Variants in TRAF5 observed in about 807,000 individuals in gnomAD.
TRAF5 encodes the protein TNF receptor-associated factor 5.
TRAF5 carries 48 observed loss-of-function variants against 64.5 expected under a neutral mutation model. The ratio of observed to expected loss-of-function variants is 0.74; its 90% CI spans 0.59 to 0.95. The LOEUF is 0.95. TRAF5 is among the 40% of genes least tolerant of loss of function. TRAF5 has a pLI of 0.00. For missense variants in TRAF5, 545 were observed against 662.8 expected, an observed-to-expected ratio of 0.82 and a Z score of 1.95; for synonymous variants, 206 against 240.5, an observed-to-expected ratio of 0.86 and a Z score of 1.33.
chr1:211,371,423 C>G lies in TRAF5; in HGVS notation c.1052C>G (p.Thr351Arg). ...AGACCTTTGATGGAAGCAGTTGATA[C>G]AGTGAAACAGAAAATTACCCTGCTA... ...DLRPLMEAVD[T>R]VKQKITLLEN... The change falls in exon 10 of 11, where the codon ACA (threonine) becomes AGA (arginine). Residue 351 changes from threonine (T) to arginine (R), a missense_variant. By Grantham distance (71) the Thr-to-Arg change is moderately conservative. Coordinates refer to ENST00000261464, the MANE Select transcript of TRAF5 (RefSeq NM_001033910.3). 6.2e-7 allele frequency: 1 copy of G among 1,608,378 alleles called. No homozygotes were observed. Among genetic ancestry groups the G allele is most frequent in the Non-Finnish European group, 8.5e-7 (1 of 1,178,786 alleles).
chr1:211,371,600 G>A (rs988723068), intron 10 of TRAF5, 130 bp downstream of exon 10: 4 of 985,418 alleles, frequency 4.1e-6, no homozygotes, highest in Non-Finnish European at 5.9e-6. Flanking sequence ...TGCTATTTGT[G>A]AAAGAGAATG....
rs1217415539 is a variant in TRAF5 at position 211,371,302 on chromosome 1, GT to G, written c.936del (p.Phe312LeufsTer11). On this transcript the variant is annotated frameshift_variant and splice_region_variant, in exon 10 of 11. Transcript: ENST00000261464. LOFTEE classifies it high-confidence loss of function. ...KNGSFLPNIQ[V>X]FASHIDKSAW... ...ATGATTATCCATTTTGTAATGAAAG[GT>G]TTTTGCCAGTCACATTGACAAGTCA... 2 of 1,579,092 alleles carry G rather than the reference GT, an allele frequency of 1.3e-6. No homozygotes were observed. Among genetic ancestry groups the G allele is most frequent in the Admixed American group, 2.1e-5 (1 of 48,112 alleles).
chr1:211,336,144 T>C (rs145624492), intron 1 of TRAF5, among the ~76,000 whole-genome samples: 132 of 152,318 alleles, frequency 8.7e-4, no homozygotes, highest in African/African-American at 3.1e-3. Flanking sequence ...ATGAAGTCTC[T>C]GGAAAAGGAC....
At position 211,331,246 on chromosome 1, in the gene TRAF5, AGAGGGGCC is replaced by A. The variant is rs1337586150; in HGVS notation, c.-2+4358_-2+4365del. ...TCAATTTTCCTTTTCATGCTGCTGC[AGAGGGGCC>A]TCTTTAATACATAGCCTAGTCAAAA... On this transcript the variant is annotated intron_variant, in intron 1 of 10. Coordinates refer to ENST00000261464, the MANE Select transcript of TRAF5 (RefSeq NM_001033910.3). Among the ~76,000 whole-genome samples the A allele has an allele frequency of 5.9e-5, 9 of 152,162 alleles. No homozygotes were observed. In the East Asian group the frequency reaches 7.7e-4, roughly 13 times the overall value.
At chr1:211,334,827 C>T (rs999703789) in intron 1 of TRAF5, among the ~76,000 whole-genome samples, 5 of 152,176 alleles carry the variant, frequency 3.3e-5, no homozygotes, top group African/African-American at 1.2e-4. Context: ...CAGTATTAGG[C>T]TTGCTGTGTT....
intron 1 of TRAF5, among the ~76,000 whole-genome samples, chr1:211,328,370 C>G (rs1702072591): frequency 6.6e-6 from 1 of 152,134 alleles, no homozygotes; most frequent in South Asian, 2.1e-4. Context: ...CTCTCAGATC[C>G]CTGGCTCCTG....
At chr1:211,330,762 C>G (rs370949453) in intron 1 of TRAF5, among the ~76,000 whole-genome samples, 1 of 152,178 alleles carries the variant, frequency 6.6e-6, no homozygotes, top group South Asian at 2.1e-4. Context: ...GTTGCTACAC[C>G]GTCCCCACCA....
chr1:211,372,497 G>A lies in TRAF5; in HGVS notation c.1469G>A (p.Ser490Asn). Residue 490 changes from serine (S) to asparagine (N), a missense_variant, in exon 11 of 11, where the codon AGT (serine) becomes AAT (asparagine). Transcript: ENST00000261464. ...QRVTLMLLDQ[S>N]GKKNIMETFK... ...GTGACCCTGATGCTTCTGGACCAGA[G>A]TGGCAAAAAGAACATTATGGAGACC... The A allele has an allele frequency of 1.2e-6, 2 of 1,614,166 alleles. No individual in the cohort carries two copies. The highest frequency in any genetic ancestry group is 1.1e-5 in the South Asian group (1 of 91,084).
At chr1:211,359,622 C>T (rs1420282947) in intron 4 of TRAF5, 4 of 333,720 alleles carry the variant, frequency 1.2e-5, no homozygotes, top group African/African-American at 2.1e-5. Context: ...ATTAGATCAT[C>T]TAAAACAAAC....
Position 211,326,854 on chromosome 1 carries a change from A to C in TRAF5, c.-37A>C. On this transcript the variant is annotated 5_prime_UTR_variant, in exon 1 of 11. Transcript: ENST00000261464. This position sits in a 1 kb window ranked among gnomAD's most constrained non-coding sequence, Gnocchi z 5.0. ...AGCCAGGAGCAGCAGCCGCGCCTGC[A>C]GACCGGCCTCGCGGAGCCCGCGCGC... 6.1e-6 allele frequency: 6 copies of C among 984,848 alleles called. No individual in the cohort carries two copies. The highest frequency in any genetic ancestry group is 7.2e-6 in the Non-Finnish European group (6 of 829,564). 61.0% of individuals were successfully genotyped at this position (984,848 alleles called of 1,614,324 possible).
chr1:211,354,314 C>A, intron 2 of TRAF5, 96 bp from the exon 3 acceptor site: 1 of 1,199,612 alleles, frequency 8.3e-7, no homozygotes, highest in Non-Finnish European at 1.2e-6. Context: ...ACCAGCCTGC[C>A]CAGGGCTAGA....
At position 211,337,531 on chromosome 1, in the gene TRAF5, G is replaced by A. The variant is rs1472390845; in HGVS notation, c.-2+10642G>A. Among the ~76,000 whole-genome samples, 4 of 152,316 alleles carry A rather than the reference G, an allele frequency of 2.6e-5. No individual in the cohort carries two copies. The East Asian group carries it at 7.7e-4, about 29-fold the overall frequency. On this transcript the variant is annotated intron_variant, in intron 1 of 10. Coordinates refer to ENST00000261464, the MANE Select transcript of TRAF5 (RefSeq NM_001033910.3). Reference sequence around the variant, plus strand: ...TTGGAGCAGAGGAGCAGCAGAGACAGCTTCTGTTTTTAAAAGCATCACTCT... The same window carrying A: ...TTGGAGCAGAGGAGCAGCAGAGACAACTTCTGTTTTTAAAAGCATCACTCT...
chr1:211,326,966 A>T lies in TRAF5; in HGVS notation c.-2+77A>T, dbSNP rs1410628074. 2.1e-6 allele frequency: 2 copies of T among 960,130 alleles called. No individual in the cohort carries two copies. Among genetic ancestry groups the T allele is most frequent in the Admixed American group, 1.2e-4 (2 of 16,194 alleles). 59.5% of individuals were successfully genotyped at this position (960,130 alleles called of 1,614,324 possible). A position where few individuals can be genotyped will look rare whatever the true frequency, so the allele number is the denominator to read the frequency against. ...GTGGGGACACCGACGAGCGCTTTTC[A>T]TCTCGTCCCAGTTACTTTGAAACCG... On this transcript the variant is annotated intron_variant, in intron 1 of 10. Transcript: ENST00000261464. This position sits in a 1 kb window ranked among gnomAD's most constrained non-coding sequence, Gnocchi z 5.0.
At chr1:211,354,281 G>A in intron 2 of TRAF5, 129 bp from the exon 3 acceptor site, 1 of 747,930 alleles carries the variant, frequency 1.3e-6, no homozygotes, top group South Asian at 1.8e-5. Flanking sequence ...TCTGGGTAGA[G>A]GGAACAGCAT....
In TRAF5 at chr1:211,372,130, G is replaced by A. The variant is rs147396608; in HGVS notation, c.1102G>A (p.Val368Ile). 70 of 1,501,738 alleles carry A rather than the reference G, an allele frequency of 4.7e-5. No homozygotes were observed. In the African/African-American group the frequency reaches 7.7e-4, roughly 17 times the overall value. 93.0% of individuals were successfully genotyped at this position (1,501,738 alleles called of 1,614,324 possible). ...LLENNDQRLA[V>I]LEEETNKHDT... ...TTTTTTTTTTTTCTTATTTGCAGCC[G>A]TTTTAGAAGAGGAAACTAACAAACA... The change falls in exon 11 of 11, where the codon GTT becomes ATT. Residue 368 changes from valine (V) to isoleucine (I), a missense_variant and splice_region_variant. By Grantham distance (29) the Val-to-Ile change is conservative (BLOSUM62 3). Transcript: ENST00000261464.
At chr1:211,365,885 GT>G (rs1366732798) in intron 8 of TRAF5, among the ~76,000 whole-genome samples, 1 of 152,262 alleles carries the variant, frequency 6.6e-6, no homozygotes, top group East Asian at 1.9e-4. Context: ...TAATATTACT[GT>G]GAAACAACAG....
Position 211,372,639 on chromosome 1 carries a change from C to T in TRAF5, c.1611C>T (p.Tyr537=), listed in dbSNP as rs1255415956. ...TTTTGGAGAATGCCAAGAACGCCTA[C>T]ATTAAAGATGACACTCTGTTCTTGA... The part of the protein sequence containing the change: ...HSVLENAKNA[Y]IKDDTLFLKV... The change falls in exon 11 of 11, where the codon TAC becomes TAT. Residue 537 remains tyrosine, a synonymous_variant. Transcript: ENST00000261464. 6.2e-7 allele frequency: 1 copy of T among 1,614,084 alleles called. No homozygotes were observed. Among genetic ancestry groups the T allele is most frequent in the Non-Finnish European group, 8.5e-7 (1 of 1,180,042 alleles).
intron 1 of TRAF5, among the ~76,000 whole-genome samples, chr1:211,338,651 G>A (rs1702369020): frequency 6.6e-6 from 1 of 152,078 alleles, no homozygotes; most frequent in Admixed American, 6.5e-5. Context: ...TGAGACAAGA[G>A]TCTCACTCTG....
At chr1:211,328,275 G>A (rs1702070932) in intron 1 of TRAF5, among the ~76,000 whole-genome samples, 1 of 152,214 alleles carries the variant, frequency 6.6e-6, no homozygotes, top group South Asian at 2.1e-4. Flanking sequence ...GATGTAAGAT[G>A]GAAGTGGAAA....
Sources: allele counts gnomAD v4.1 joint callset (sites outside exome capture counted in the v4.1 genomes callset), GRCh38; gene constraint gnomAD v4.1.1; non-coding constraint Gnocchi (gnomAD v3.1); transcripts MANE v1.5; gene names NCBI Gene and HGNC (gene_info 2026-07-23, HGNC 2026-07-21).